The following KREMEN1 variants were observed in gnomAD, a reference collection of about 807,000 sequenced individuals.
The protein encoded by KREMEN1 is kringle containing transmembrane protein 1.
KREMEN1 carries 30 observed loss-of-function variants against 46.5 expected under a neutral mutation model. The ratio of observed to expected loss-of-function variants is 0.65; its 90% CI spans 0.48 to 0.88. The LOEUF (loss-of-function observed/expected upper bound fraction) is 0.88, where lower values mean the gene tolerates loss of function less well. Among genes scored for constraint, KREMEN1 ranks in the 40% least tolerant of loss-of-function variants. The probability of loss-of-function intolerance (pLI) is 0.00; values close to 1 mark genes in which losing one functional copy is unlikely to be tolerated. For missense variants in KREMEN1, 533 were observed against 596.9 expected (o/e 0.89, Z 1.11); for synonymous variants, 214 against 230.6 (o/e 0.93, Z 0.65).
intron 1 of KREMEN1, among the ~76,000 whole-genome samples, chr22:29,085,472 A>G (rs190715096): frequency 6.3e-4 from 96 of 152,330 alleles, no homozygotes; most frequent in African/African-American, 2.1e-3. Context: ...GTAGAAAAAA[A>G]AACAATAATT....
intron 1 of KREMEN1, among the ~76,000 whole-genome samples, chr22:29,074,687 G>C (rs2037537643): frequency 6.6e-6 from 1 of 152,194 alleles, no homozygotes; most frequent in Admixed American, 6.5e-5. Flanking sequence ...GGAAAGGATG[G>C]GATTTTGCTG....
chr22:29,073,950 C>T lies in KREMEN1; in HGVS notation c.97+723C>T, dbSNP rs73154219. ...CGAGACCTCCAGCGACATCCCTCCC[C>T]TGGGCCAAGGTCCCCTCCCTGAGCC... On this transcript the variant is annotated intron_variant, in intron 1 of 8. Coordinates refer to ENST00000400335, the MANE Select transcript of KREMEN1 (RefSeq NM_001039570.3). The surrounding 1 kb of genome is among the most constrained non-coding windows in gnomAD (Gnocchi z 4.4). Among the ~76,000 whole-genome samples, 2 of 152,292 alleles carry T rather than the reference C, an allele frequency of 1.3e-5. No individual in the cohort carries two copies. The highest frequency in any genetic ancestry group is 2.9e-5 in the Non-Finnish European group (2 of 68,010).
intron 9 of KREMEN1, among the ~76,000 whole-genome samples, chr22:29,151,933 C>A (rs527802488): frequency 6.7e-6 from 1 of 150,012 alleles, no homozygotes; most frequent in East Asian, 2.0e-4. Flanking sequence ...TTGCTTGAAC[C>A]GGGGAGGTGG....
chr22:29,153,351 T>A (rs1449269261), intron 9 of KREMEN1, among the ~76,000 whole-genome samples: 1 of 152,132 alleles, frequency 6.6e-6, no homozygotes. Context: ...GGTCTCAGCC[T>A]CATTTTATTC....
At chr22:29,096,265 C>T (rs958596247) in intron 2 of KREMEN1, among the ~76,000 whole-genome samples, 1 of 152,094 alleles carries the variant, frequency 6.6e-6, no homozygotes, top group Non-Finnish European at 1.5e-5. Context: ...TCTTCTTGTT[C>T]CAAAATATCT....
intron 3 of KREMEN1, among the ~76,000 whole-genome samples, chr22:29,110,098 C>G (rs985983936): frequency 5.9e-5 from 9 of 152,156 alleles, no homozygotes; most frequent in African/African-American, 9.7e-5. Context: ...GACTTAAGCG[C>G]CAACAGTTTA....
At chr22:29,102,234 A>G (rs2037988861) in intron 3 of KREMEN1, among the ~76,000 whole-genome samples, 1 of 152,136 alleles carries the variant, frequency 6.6e-6, no homozygotes, top group Admixed American at 6.6e-5. Flanking sequence ...CCAGGGGGAA[A>G]GGCAGCCCCT....
chr22:29,117,289 C>T lies in KREMEN1; in HGVS notation c.353-4068C>T, dbSNP rs371501299. ...ATAAAGGAAAAAAATGCTATTGGACCGGGCGCAGTAGCTCACGCCTGTAAT... is the reference window on the plus strand; with the variant it reads ...ATAAAGGAAAAAAATGCTATTGGACTGGGCGCAGTAGCTCACGCCTGTAAT... On this transcript the variant is annotated intron_variant, in intron 3 of 8. Transcript: ENST00000400335. Among the ~76,000 whole-genome samples, 96 of 152,246 alleles carry T rather than the reference C, an allele frequency of 6.3e-4. 1 individual carries two copies. In the South Asian group the frequency reaches 0.016, roughly 25 times the overall value.
At chr22:29,138,886 G>C in intron 7 of KREMEN1, 104 bp downstream of exon 7, 1 of 1,540,556 alleles carries the variant, frequency 6.5e-7, no homozygotes. Context: ...TTCTTATTCA[G>C]AGGCAGGTTG....
Position 29,144,060 on chromosome 22 carries a change from A to G in KREMEN1, c.*1948A>G. The G allele has an allele frequency of 1.0e-6, 1 of 985,538 alleles. No individual in the cohort carries two copies. The highest frequency in any genetic ancestry group is 1.2e-6 in the Non-Finnish European group (1 of 829,994). 61.0% of individuals were successfully genotyped at this position (985,538 alleles called of 1,614,324 possible). ...CAGGCTTTGTCAACAGCAGCTGAGA[A>G]AAGCAGCCTGTGCCTCTGCTGGCCA... On this transcript the variant is annotated 3_prime_UTR_variant, in exon 9 of 9. Coordinates refer to ENST00000400335, the MANE Select transcript of KREMEN1 (RefSeq NM_001039570.3).
Position 29,137,447 on chromosome 22 carries a change from T to TCC in KREMEN1, c.738_739dup (p.Arg247ProfsTer36), listed in dbSNP as rs752591633. 2.5e-6 allele frequency: 4 copies of TCC among 1,602,728 alleles called. No individual in the cohort carries two copies. Among genetic ancestry groups the TCC allele is most frequent in the Non-Finnish European group, 3.4e-6 (4 of 1,170,604 alleles). On this transcript the variant is annotated frameshift_variant, in exon 6 of 9. Transcript: ENST00000400335. LOFTEE classifies it high-confidence loss of function. ...ACGGGGAGGGTCTGCTACTGGACCATCCGGGTTCCGGGGGCCTCCCACATC... is the reference window on the plus strand; with the variant it reads ...ACGGGGAGGGTCTGCTACTGGACCATCCCCGGGTTCCGGGGGCCTCCCACATC...
intron 1 of KREMEN1, among the ~76,000 whole-genome samples, chr22:29,086,329 T>C (rs564535003): frequency 7.9e-5 from 12 of 152,328 alleles, no homozygotes; most frequent in African/African-American, 2.9e-4. Flanking sequence ...GCTTCTCTGA[T>C]ATCATTTCCC....
At chr22:29,135,566 G>A (rs1008105530) in intron 5 of KREMEN1, among the ~76,000 whole-genome samples, 2 of 152,134 alleles carry the variant, frequency 1.3e-5, no homozygotes, top group African/African-American at 4.8e-5. Flanking sequence ...TGCCACTCAG[G>A]GGGACTGTGG....
At chr22:29,152,464 T>C (rs1227154996) in intron 9 of KREMEN1, among the ~76,000 whole-genome samples, 1 of 152,212 alleles carries the variant, frequency 6.6e-6, no homozygotes, top group Non-Finnish European at 1.5e-5. Context: ...ATCACTTCCC[T>C]TTCCCATGTA....
intron 5 of KREMEN1, among the ~76,000 whole-genome samples, chr22:29,131,636 ATATG>A (rs1386659309): frequency 7.8e-6 from 1 of 128,796 alleles, no homozygotes; most frequent in African/African-American, 3.3e-5. Flanking sequence ...ATATGTATAT[ATATG>A]TGTGTATATA....
rs528382698 is a variant in KREMEN1 at position 29,104,754 on chromosome 22, C to T, written c.352+5801C>T. On this transcript the variant is annotated intron_variant, in intron 3 of 8. Coordinates refer to ENST00000400335, the MANE Select transcript of KREMEN1 (RefSeq NM_001039570.3). ...ACTAAAAATACAAAAATAAACTGGG[C>T]GTGGTGGTGCACATCTGTAGTCCCA... Among the ~76,000 whole-genome samples the T allele has an allele frequency of 2.0e-4, 30 of 152,106 alleles. No homozygotes were observed. In the South Asian group the frequency reaches 6.2e-3, roughly 32 times the overall value.
rs1199358445 is a variant in KREMEN1 at position 29,145,792 on chromosome 22, C to G, written c.*3680C>G. ...TGCTCTAACTTCTGAAGAGTGGGCT[C>G]TGGCTCAAGACTCCAATCGGCCAGA... On this transcript the variant is annotated 3_prime_UTR_variant, in exon 9 of 9. Transcript: ENST00000400335. 2 of 985,432 alleles carry G rather than the reference C, an allele frequency of 2.0e-6. No homozygotes were observed. The highest frequency in any genetic ancestry group is 1.1e-4 in the East Asian group (1 of 8,830). 61.0% of individuals were successfully genotyped at this position (985,432 alleles called of 1,614,324 possible). A position where few individuals can be genotyped will look rare whatever the true frequency, so the allele number is the denominator to read the frequency against.
rs73390889 is a variant in KREMEN1, at chr22:29,094,538, T to C, written c.260+118T>C. On this transcript the variant is annotated intron_variant, in intron 2 of 8. Transcript: ENST00000400335. ...TCTTTTGACCAACTCAAGAGACTTA[T>C]CTTGTCAGTTTTAAAAATATTTCTT... 307 of 737,538 alleles carry C rather than the reference T, an allele frequency of 4.2e-4. No homozygotes were observed. The African/African-American group carries it at 4.7e-3, about 11-fold the overall frequency. 45.7% of individuals were successfully genotyped at this position (737,538 alleles called of 1,614,324 possible).
chr22:29,087,265 C>T (rs1304740191), intron 1 of KREMEN1, among the ~76,000 whole-genome samples: 1 of 151,952 alleles, frequency 6.6e-6, no homozygotes, highest in Non-Finnish European at 1.5e-5. Context: ...ATTCTTCCAA[C>T]ATAAGATCAG....
Sources: allele counts gnomAD v4.1 joint callset (sites outside exome capture counted in the v4.1 genomes callset), GRCh38; gene constraint gnomAD v4.1.1; non-coding constraint Gnocchi (gnomAD v3.1); transcripts MANE v1.5; gene names NCBI Gene and HGNC (gene_info 2026-07-23, HGNC 2026-07-21).